Variants in ETV6 observed in about 807,000 individuals in gnomAD.
ETV6 encodes transcription factor ETV6.
A neutral mutation model predicts 51.1 loss-of-function variants in ETV6; 16 were observed. That is an observed-to-expected ratio of 0.31 (90% CI 0.21 to 0.48). The LOEUF (loss-of-function observed/expected upper bound fraction) is 0.48. Ranked by LOEUF, ETV6 falls within the 20% of genes least tolerant of loss-of-function variation. The pLI, the probability that ETV6 is intolerant of heterozygous loss-of-function variation, is 0.99. For missense variants in ETV6, 458 were observed against 594.8 expected, an observed-to-expected ratio of 0.77 and a Z score of 2.39; for synonymous variants, 240 against 224.1, an observed-to-expected ratio of 1.07 and a Z score of -0.64.
At chr12:11,732,969 G>A (rs371301430) in intron 1 of ETV6, among the ~76,000 whole-genome samples, 7 of 152,062 alleles carry the variant, frequency 4.6e-5, no homozygotes, top group East Asian at 1.9e-4. Flanking sequence ...AGAATCTGAC[G>A]TACTTTGCTT....
At chr12:11,736,981 A>G (rs1247671590) in intron 1 of ETV6, among the ~76,000 whole-genome samples, 2 of 152,220 alleles carry the variant, frequency 1.3e-5, no homozygotes, top group African/African-American at 2.4e-5. Context: ...AACAAGGCAG[A>G]CAAGGTCCCT....
intron 5 of ETV6, among the ~76,000 whole-genome samples, chr12:11,877,626 C>T (rs891807294): frequency 1.3e-5 from 2 of 152,170 alleles, no homozygotes; most frequent in African/African-American, 4.8e-5. Flanking sequence ...TTCTGTAGAC[C>T]TCTGTAGCCC....
chr12:11,669,937 G>T (rs960342920), intron 1 of ETV6, among the ~76,000 whole-genome samples: 7 of 151,166 alleles, frequency 4.6e-5, no homozygotes, highest in African/African-American at 1.7e-4. Flanking sequence ...CTTCCCCGGC[G>T]GCCATTCACT....
chr12:11,780,822 A>C (rs756169362), intron 2 of ETV6, among the ~76,000 whole-genome samples: 59 of 152,172 alleles, frequency 3.9e-4, no homozygotes, highest in Non-Finnish European at 6.0e-4. Context: ...AAAAATATAG[A>C]AGTCTAGTAG....
intron 2 of ETV6, among the ~76,000 whole-genome samples, chr12:11,766,147 C>T (rs1945158271): frequency 6.6e-6 from 1 of 152,142 alleles, no homozygotes; most frequent in South Asian, 2.1e-4. Context: ...CCACACATCC[C>T]AGCAGCAGCA....
chr12:11,783,307 T>C (rs1945437668), intron 2 of ETV6, among the ~76,000 whole-genome samples: 1 of 152,108 alleles, frequency 6.6e-6, no homozygotes, highest in Non-Finnish European at 1.5e-5. Context: ...CCCAATCAGA[T>C]GCTGCATAGA....
rs1185887880 is a variant in ETV6 at position 11,891,559 on chromosome 12, A to T, written c.*513A>T. 1.9e-6 allele frequency: 1 copy of T among 535,012 alleles called. No homozygotes were observed. Among genetic ancestry groups the T allele is most frequent in the East Asian group, 3.9e-5 (1 of 25,642 alleles). The allele number at this position is 535,012 out of a possible 1,614,324, so 33.1% of individuals were successfully genotyped here. A position where few individuals can be genotyped will look rare whatever the true frequency, so the allele number is the denominator to read the frequency against. On this transcript the variant is annotated 3_prime_UTR_variant, in exon 8 of 8. Coordinates refer to ENST00000396373, the MANE Select transcript of ETV6 (RefSeq NM_001987.5). ...GGTTCAGGTTCCTCTTTTTCCTGCC[A>T]CGTGGATCAGGTCTGTTCCTGTTAC... is the stretch of plus-strand genomic sequence containing the variant.
intron 2 of ETV6, among the ~76,000 whole-genome samples, chr12:11,801,852 T>C (rs777171263): frequency 1.9e-4 from 29 of 152,210 alleles, no homozygotes; most frequent in Non-Finnish European, 1.6e-4. Context: ...TAAGCAATTA[T>C]CTGACAAACC....
chr12:11,783,040 G>A (rs1403958615), intron 2 of ETV6, among the ~76,000 whole-genome samples: 2 of 152,088 alleles, frequency 1.3e-5, no homozygotes, highest in Admixed American at 6.6e-5. Context: ...AAAAAAATAA[G>A]TACAAGCCAA....
chr12:11,695,859 A>G (rs920402334), intron 1 of ETV6, among the ~76,000 whole-genome samples: 2 of 152,162 alleles, frequency 1.3e-5, no homozygotes, highest in Admixed American at 6.5e-5. Context: ...AGCGCTTAGC[A>G]TGTTCAGTTG....
At chr12:11,789,802 T>G (rs1945553463) in intron 2 of ETV6, among the ~76,000 whole-genome samples, 1 of 152,210 alleles carries the variant, frequency 6.6e-6, no homozygotes, top group Non-Finnish European at 1.5e-5. Flanking sequence ...ATTCCGATCT[T>G]TAATCTTTTG....
chr12:11,744,854 TCA>T (rs915016255), intron 1 of ETV6, among the ~76,000 whole-genome samples: 2 of 151,548 alleles, frequency 1.3e-5, no homozygotes, highest in African/African-American at 4.9e-5. Context: ...TGACAAGGAA[TCA>T]CAGTTTTACT....
intron 1 of ETV6, among the ~76,000 whole-genome samples, chr12:11,738,044 C>T (rs1254953379): frequency 2.6e-5 from 4 of 151,986 alleles, no homozygotes; most frequent in Non-Finnish European, 5.9e-5. Flanking sequence ...AGGTTAGTCT[C>T]GGTAAGAGGT....
In ETV6 at chr12:11,874,114, G is replaced by A. The variant is rs562470829; in HGVS notation, c.1009+4145G>A. On this transcript the variant is annotated intron_variant, in intron 5 of 7. Transcript: ENST00000396373. ...TTTCAGGCTGGGTACTGTGGCTCAC[G>A]CCTGTAATCCCAGTACTTTGGAAGG... 1.6e-4 allele frequency among the ~76,000 whole-genome samples: 18 copies of A among 111,846 alleles called. 8 individuals are homozygous for A. In the East Asian group the frequency reaches 0.01, roughly 65 times the overall value. The allele number at this position is 111,846 out of a possible 152,430, so 73.4% of individuals were successfully genotyped here.
At chr12:11,840,921 C>T (rs1416094487) in intron 3 of ETV6, 1 of 168,628 alleles carries the variant, frequency 5.9e-6, no homozygotes, top group Non-Finnish European at 1.3e-5. Flanking sequence ...CCAGTGGAAA[C>T]TCAGAGATAT....
intron 2 of ETV6, among the ~76,000 whole-genome samples, chr12:11,784,061 G>C (rs1945447369): frequency 6.6e-6 from 1 of 152,166 alleles, no homozygotes; most frequent in African/African-American, 2.4e-5. Flanking sequence ...TAGGAGGGGT[G>C]AAAGGAGATG....
chr12:11,807,456 A>G (rs1402794269), intron 2 of ETV6, among the ~76,000 whole-genome samples: 1 of 152,226 alleles, frequency 6.6e-6, no homozygotes, highest in African/African-American at 2.4e-5. Context: ...CTGGGCAGGA[A>G]TCTTTAAGTT....
chr12:11,700,463 A>G (rs1049606521), intron 1 of ETV6, among the ~76,000 whole-genome samples: 5 of 152,184 alleles, frequency 3.3e-5, no homozygotes, highest in Non-Finnish European at 7.3e-5. Context: ...ATAAGTGAGA[A>G]CATGCAATAT....
intron 1 of ETV6, among the ~76,000 whole-genome samples, chr12:11,725,788 T>C (rs1335005839): frequency 2.0e-5 from 3 of 152,140 alleles, no homozygotes; most frequent in Non-Finnish European, 4.4e-5. Context: ...CCCCTGCCTC[T>C]CTCTTGCTTC....
Sources: allele counts gnomAD v4.1 joint callset (sites outside exome capture counted in the v4.1 genomes callset), GRCh38; gene constraint gnomAD v4.1.1; transcripts MANE v1.5; gene names NCBI Gene and HGNC (gene_info 2026-07-23, HGNC 2026-07-21).